Variants in STAU2 observed in about 807,000 individuals in gnomAD.
The protein encoded by STAU2 is staufen double-stranded RNA binding protein 2, also known as double-stranded RNA-binding protein Staufen homolog 2.
In STAU2, 20 loss-of-function variants were observed where a neutral mutation model predicts 65.9. The observed-to-expected ratio is 0.30, with a 90% CI of 0.21 to 0.44. The LOEUF (loss-of-function observed/expected upper bound fraction) is 0.44, where lower values mean the gene tolerates loss of function less well. Among genes scored for constraint, STAU2 ranks in the 20% least tolerant of loss-of-function variants. The pLI is 1.00. For synonymous variants in STAU2, 232 were observed against 233.9 expected, an observed-to-expected ratio of 0.99 and a Z score of 0.07; for missense variants, 558 against 683.9, an observed-to-expected ratio of 0.82 and a Z score of 2.05.
chr8:73,599,312 T>C (rs73330807), intron 10 of STAU2, among the ~76,000 whole-genome samples: 4,321 of 152,204 alleles, frequency 0.028, 176 homozygotes, highest in African/African-American at 0.095. Context: ...TCTAAAAGCA[T>C]TATTTAGAAA....
intron 13 of STAU2, among the ~76,000 whole-genome samples, chr8:73,513,823 C>T (rs565996476): frequency 6.6e-6 from 1 of 152,196 alleles, no homozygotes; most frequent in South Asian, 2.1e-4. Context: ...CAAGGAAGGC[C>T]ACTCCATCAG....
At chr8:73,496,078 T>C (rs1821404212) in intron 13 of STAU2, among the ~76,000 whole-genome samples, 1 of 151,558 alleles carries the variant, frequency 6.6e-6, no homozygotes, top group Non-Finnish European at 1.5e-5. Context: ...GATGGGTTAA[T>C]AGAGACCCAC....
At chr8:73,747,133 G>A (rs1807346471), upstream of STAU2, among the ~76,000 whole-genome samples, 1 of 151,890 alleles carries the variant, frequency 6.6e-6, no homozygotes, top group South Asian at 2.1e-4. Flanking sequence ...GCTCTGCGGG[G>A]CTAGCGGCGG....
chr8:73,729,409 A>G (rs2130742548), intron 3 of STAU2, among the ~76,000 whole-genome samples: 1 of 152,320 alleles, frequency 6.6e-6, no homozygotes, highest in Admixed American at 6.5e-5. Context: ...GGGTAATAAT[A>G]CTGGCCTCAA....
At chr8:73,423,776 T>G (rs1391446492) in intron 13 of STAU2, among the ~76,000 whole-genome samples, 1 of 152,226 alleles carries the variant, frequency 6.6e-6, no homozygotes, top group African/African-American at 2.4e-5. Flanking sequence ...TACAGAAAAC[T>G]TGGGCAGGTA....
At chr8:73,742,050 A>G (rs1056391999) in intron 1 of STAU2, among the ~76,000 whole-genome samples, 5 of 152,222 alleles carry the variant, frequency 3.3e-5, no homozygotes, top group Non-Finnish European at 7.3e-5. Flanking sequence ...ATTTACATCA[A>G]TTTAAAAATT....
intron 12 of STAU2, among the ~76,000 whole-genome samples, chr8:73,579,852 T>G (rs1809854626): frequency 6.6e-6 from 1 of 152,174 alleles, no homozygotes. Context: ...GAAAATAAAT[T>G]GAGGAACCAG....
intron 13 of STAU2, among the ~76,000 whole-genome samples, chr8:73,544,329 T>C (rs1204180947): frequency 6.6e-6 from 1 of 152,256 alleles, no homozygotes; most frequent in Non-Finnish European, 1.5e-5. Flanking sequence ...TTATCAAGTC[T>C]GTCTCTTTCT....
chr8:73,499,968 G>A (rs1275625956), intron 13 of STAU2, among the ~76,000 whole-genome samples: 3 of 151,706 alleles, frequency 2.0e-5, no homozygotes, highest in Non-Finnish European at 4.4e-5. Context: ...CTGAAGCTGG[G>A]GCTCCATGCC....
upstream of STAU2, chr8:73,746,980 G>C: frequency 1.6e-6 from 1 of 612,614 alleles, no homozygotes; most frequent in Non-Finnish European, 2.0e-6. Flanking sequence ...AGCCGCTCCC[G>C]CGCCCCAGCA....
rs1806597831 is a variant in STAU2, at chr8:73,738,421, G to A, written c.-83-72C>T. 13 of 1,009,426 alleles carry A rather than the reference G, an allele frequency of 1.3e-5. No homozygotes were observed. In the East Asian group the frequency reaches 3.3e-4, roughly 26 times the overall value. 62.5% of individuals were successfully genotyped at this position (1,009,426 alleles called of 1,614,324 possible). A position where few individuals can be genotyped will look rare whatever the true frequency, so the allele number is the denominator to read the frequency against. Reference sequence around the variant, plus strand: ...TCAATGACTGGTATTTTAAACACATGCCCTTGATCAAAATCAAATATAAAA... The same window carrying A: ...TCAATGACTGGTATTTTAAACACATACCCTTGATCAAAATCAAATATAAAA... On this transcript the variant is annotated intron_variant, in intron 2 of 14. Coordinates refer to ENST00000524300, the MANE Select transcript of STAU2 (RefSeq NM_001164380.2).
At chr8:73,463,052 T>A (rs555761045) in intron 13 of STAU2, among the ~76,000 whole-genome samples, 16 of 152,368 alleles carry the variant, frequency 1.1e-4, no homozygotes, top group Middle Eastern at 3.4e-3. Flanking sequence ...TTGCACTTCC[T>A]GAGGCACAGT....
intron 2 of STAU2, among the ~76,000 whole-genome samples, chr8:73,739,175 G>A (rs912038259): frequency 7.4e-5 from 11 of 148,240 alleles, no homozygotes; most frequent in Non-Finnish European, 5.9e-5. Flanking sequence ...AGAGGTTGCA[G>A]TGAGCCGAGA....
intron 13 of STAU2, among the ~76,000 whole-genome samples, chr8:73,516,472 G>A (rs1585914232): frequency 6.6e-6 from 1 of 151,964 alleles, no homozygotes; most frequent in South Asian, 2.1e-4. Context: ...GGATGCAAAC[G>A]AGAAGCCAAT....
intron 5 of STAU2, among the ~76,000 whole-genome samples, chr8:73,680,985 C>A (rs1034329691): frequency 2.0e-5 from 3 of 151,640 alleles, no homozygotes; most frequent in African/African-American, 7.3e-5. Flanking sequence ...AATGACCAAA[C>A]CTAAGAATAA....
chr8:73,662,932 T>C (rs1816943156), intron 6 of STAU2, among the ~76,000 whole-genome samples: 1 of 152,116 alleles, frequency 6.6e-6, no homozygotes, highest in African/African-American at 2.4e-5. Flanking sequence ...CTTTTTTTTT[T>C]CTGTCAGAAA....
At position 73,709,152 on chromosome 8, in the gene STAU2, T is replaced by C. The variant is rs944863965; in HGVS notation, c.-7A>G. On this transcript the variant is annotated 5_prime_UTR_variant, in exon 4 of 15. Transcript: ENST00000524300. ...TCTCTTTTGGGTTTGCCATTTTATC[T>C]TGGAGAGAAGCTGTAAATAAAAAGG... The C allele has an allele frequency of 2.0e-6, 3 of 1,520,846 alleles. No individual in the cohort carries two copies. Among genetic ancestry groups the C allele is most frequent in the African/African-American group, 2.8e-5 (2 of 72,498 alleles). 94.2% of individuals were successfully genotyped at this position (1,520,846 alleles called of 1,614,324 possible). A position where few individuals can be genotyped will look rare whatever the true frequency, so the allele number is the denominator to read the frequency against.
At chr8:73,713,024 A>T (rs977544786) in intron 3 of STAU2, among the ~76,000 whole-genome samples, 1 of 152,224 alleles carries the variant, frequency 6.6e-6, no homozygotes, top group South Asian at 2.1e-4. Flanking sequence ...TTATAAACCC[A>T]TAAGTTCGTT....
intron 13 of STAU2, among the ~76,000 whole-genome samples, chr8:73,528,237 T>C (rs1043053373): frequency 1.3e-5 from 2 of 152,214 alleles, no homozygotes; most frequent in Admixed American, 1.3e-4. Context: ...ACTCTTCTAT[T>C]TCTACAGTAT....
Sources: allele counts gnomAD v4.1 joint callset (sites outside exome capture counted in the v4.1 genomes callset), GRCh38; gene constraint gnomAD v4.1.1; transcripts MANE v1.5; gene names NCBI Gene and HGNC (gene_info 2026-07-23, HGNC 2026-07-21).